FBXO34: variants seen among roughly 807,000 people sequenced by gnomAD.
FBXO34 encodes the protein F-box protein 34, also known as F-box only protein 34.
FBXO34 carries 12 observed loss-of-function variants against 24.5 expected under a neutral mutation model. That is an observed-to-expected ratio of 0.49 (90% CI 0.31 to 0.79). The LOEUF is 0.79. FBXO34 is among the 30% of genes least tolerant of loss of function. FBXO34 has a pLI of 0.04. For missense variants in FBXO34, 823 were observed against 857.7 expected (o/e 0.96, Z 0.51); for synonymous variants, 320 against 311.9 (o/e 1.03, Z -0.27).
chr14:55,331,705 G>GTATATATATATATGTATATATATATGTA lies in FBXO34; in HGVS notation c.-10-18665_-10-18664insATGTATATATATATGTATATATATATAT, dbSNP rs563184455. ...TATATGTGTATATATATATATATAT[G>GTATATATATATATGTATATATATATGTA]TATATATATATGTATATATATATGT... On this transcript the variant is annotated intron_variant, in intron 1 of 1. Coordinates refer to ENST00000313833, the MANE Select transcript of FBXO34 (RefSeq NM_017943.4). Among the ~76,000 whole-genome samples the GTATATATATATATGTATATATATATGTA allele has an allele frequency of 7.4e-5, 2 of 26,958 alleles. 1 individual carries two copies. Among genetic ancestry groups the GTATATATATATATGTATATATATATGTA allele is most frequent in the Non-Finnish European group, 1.2e-4 (2 of 17,040 alleles). The allele number at this position is 26,958 out of a possible 152,430, so 17.7% of individuals were successfully genotyped here.
chr14:55,346,783 G>C (rs1884174194), intron 1 of FBXO34, among the ~76,000 whole-genome samples: 2 of 152,152 alleles, frequency 1.3e-5, no homozygotes, highest in East Asian at 1.9e-4. Flanking sequence ...AAAAAAGGCC[G>C]TTGAGTTTAT....
chr14:55,335,074 C>T (rs1248883389), intron 1 of FBXO34, among the ~76,000 whole-genome samples: 1 of 152,070 alleles, frequency 6.6e-6, no homozygotes, highest in East Asian at 1.9e-4. Context: ...GAGTGGAGGG[C>T]AGGTGAAGGG....
At chr14:55,300,325 G>A (rs540096479) in intron 1 of FBXO34, among the ~76,000 whole-genome samples, 1 of 152,266 alleles carries the variant, frequency 6.6e-6, no homozygotes, top group Admixed American at 6.5e-5. Context: ...GGGCGAGGTG[G>A]CTCACGCCTG....
the FBXO34 span, among the ~76,000 whole-genome samples, chr14:55,408,569 G>A: frequency 1.3e-5 from 2 of 152,196 alleles, no homozygotes; most frequent in South Asian, 2.1e-4. Flanking sequence ...CCACAGGTTC[G>A]AGATCAGCCT....
At chr14:55,393,169 C>T in the FBXO34 span, among the ~76,000 whole-genome samples, 28 of 152,092 alleles carry the variant, frequency 1.8e-4, no homozygotes. Context: ...ATCACGAGGT[C>T]AGGAGATTGA....
At chr14:55,317,134 A>G (rs1882958801) in intron 1 of FBXO34, among the ~76,000 whole-genome samples, 1 of 152,096 alleles carries the variant, frequency 6.6e-6, no homozygotes, top group Admixed American at 6.5e-5. Flanking sequence ...TCAAGGCCTT[A>G]CTGTGTCAGC....
the FBXO34 span, among the ~76,000 whole-genome samples, chr14:55,441,823 G>A: frequency 6.6e-6 from 1 of 151,794 alleles, no homozygotes; most frequent in East Asian, 2.0e-4. Context: ...AGGCTGGAGT[G>A]CAGATCTTGG....
intron 1 of FBXO34, among the ~76,000 whole-genome samples, chr14:55,275,823 C>CAAAAAAA (rs57849080): frequency 2.2e-5 from 2 of 90,038 alleles, no homozygotes; most frequent in African/African-American, 3.6e-5. Context: ...GACTCTGTCT[C>CAAAAAAA]AAAAAAAAAA....
chr14:55,427,894 T>C, the FBXO34 span, among the ~76,000 whole-genome samples: 4 of 150,364 alleles, frequency 2.7e-5, no homozygotes, highest in Admixed American at 2.6e-4. Context: ...TTTTTTTTTT[T>C]TTTTGAGACG....
chr14:55,380,269 A>ACAACAG, the FBXO34 span, among the ~76,000 whole-genome samples: 1 of 151,510 alleles, frequency 6.6e-6, no homozygotes, highest in African/African-American at 2.4e-5. Flanking sequence ...AACAACAACA[A>ACAACAG]CAACAAATCA....
chr14:55,323,430 T>C (rs1397043946), intron 1 of FBXO34, among the ~76,000 whole-genome samples: 11 of 150,484 alleles, frequency 7.3e-5, no homozygotes, highest in Non-Finnish European at 7.4e-5. Context: ...GTCCCCAGGC[T>C]TGAGTGCTAT....
At chr14:55,311,200 G>A (rs531961198) in intron 1 of FBXO34, among the ~76,000 whole-genome samples, 14 of 152,304 alleles carry the variant, frequency 9.2e-5, no homozygotes, top group African/African-American at 3.4e-4. Flanking sequence ...TGTGGCAGGA[G>A]GGAGAAGGAA....
At chr14:55,273,886 A>T (rs1594717106) in intron 1 of FBXO34, among the ~76,000 whole-genome samples, 1 of 151,864 alleles carries the variant, frequency 6.6e-6, no homozygotes, top group African/African-American at 2.4e-5. Context: ...GCTCACTGCA[A>T]CCTCCGCCTC....
chr14:55,350,865 A>G lies in FBXO34; in HGVS notation c.475A>G (p.Lys159Glu), dbSNP rs1303242592. 3 of 1,613,110 alleles carry G rather than the reference A, an allele frequency of 1.9e-6. No individual in the cohort carries two copies. The highest frequency in any genetic ancestry group is 2.7e-5 in the African/African-American group (2 of 74,818). ...KRRKKSGDLKKAKVQVERMRE... is the reference protein window; with the variant it reads ...KRRKKSGDLKEAKVQVERMRE... ...AAGGAAAAAATCAGGGGATCTTAAA[A>G]AAGCCAAGGTACAGGTGGAAAGGAT... is the stretch of plus-strand genomic sequence containing the variant. Residue 159 changes from lysine to glutamate, a missense_variant, in exon 2 of 2, where the codon AAA becomes GAA. Around this residue, in one of 2 missense-constraint regions of FBXO34, gnomAD observed 693 missense variants for 659.1 expected, o/e 1.05. Coordinates refer to ENST00000313833, the MANE Select transcript of FBXO34 (RefSeq NM_017943.4).
At chr14:55,319,259 G>GT (rs767746255) in intron 1 of FBXO34, among the ~76,000 whole-genome samples, 34 of 152,238 alleles carry the variant, frequency 2.2e-4, no homozygotes, top group South Asian at 4.1e-4. Flanking sequence ...ACCTGTTCAA[G>GT]TTTCTTTTGA....
intron 1 of FBXO34, among the ~76,000 whole-genome samples, chr14:55,334,174 C>T (rs1883692575): frequency 6.6e-6 from 1 of 152,106 alleles, no homozygotes; most frequent in African/African-American, 2.4e-5. Flanking sequence ...TTTTCTCCAC[C>T]TTTTCCACCG....
chr14:55,282,046 G>GAGT (rs1278991331), intron 1 of FBXO34, among the ~76,000 whole-genome samples: 2 of 136,870 alleles, frequency 1.5e-5, no homozygotes, highest in Non-Finnish European at 3.0e-5. Flanking sequence ...TGCCAGGCTG[G>GAGT]AGTGCAGTGG....
chr14:55,280,526 A>AATTTTTTTTTTTTTTTT (rs201409175), intron 1 of FBXO34, among the ~76,000 whole-genome samples: 1 of 95,896 alleles, frequency 1.0e-5, no homozygotes, highest in South Asian at 2.9e-4. Flanking sequence ...TATATCAGGA[A>AATTTTTTTTTTTTTTTT]CTTTTTTTTT....
the FBXO34 span, chr14:55,424,183 C>T: frequency 6.2e-7 from 1 of 1,613,094 alleles, no homozygotes; most frequent in Middle Eastern, 1.7e-4. Context: ...TTTCCAGATA[C>T]AAAGATAAGC....
Sources: gnomAD v4.1 joint callset for allele counts (sites outside exome capture counted in the v4.1 genomes callset) on GRCh38, gnomAD v4.1.1 for gene constraint, gnomAD v4.1.1 regional missense constraint, MANE v1.5 for transcripts, NCBI Gene and HGNC (gene_info 2026-07-23, HGNC 2026-07-21) for gene names.